The following CECR2 variants were observed in gnomAD, a reference collection of about 807,000 sequenced individuals.
CECR2 encodes CECR2 histone acetyl-lysine reader, also known as chromatin remodeling regulator CECR2.
Under a neutral mutation model 154.5 loss-of-function variants are expected in CECR2, and 30 were observed. The ratio of observed to expected loss-of-function variants is 0.19; its 90% CI spans 0.15 to 0.26. The LOEUF is 0.26. Ranked by LOEUF, CECR2 falls within the 10% of genes least tolerant of loss-of-function variation. CECR2 has a pLI of 1.00. For missense variants in CECR2, 1,743 were observed against 1,829.3 expected (o/e 0.95, Z 0.86); for synonymous variants, 725 against 683.7 (o/e 1.06, Z -0.94).
chr22:17,540,699 A>G lies in CECR2; in HGVS notation c.1783A>G (p.Thr595Ala). 1.2e-6 allele frequency: 2 copies of G among 1,613,822 alleles called. No homozygotes were observed. The highest frequency in any genetic ancestry group is 1.7e-6 in the Non-Finnish European group (2 of 1,179,802). ...TGGGGACGATCAGAGCAGCAGCTCCACACAGCCCCCGCGGGAGGTGGGCAC... is the reference window on the plus strand; with the variant it reads ...TGGGGACGATCAGAGCAGCAGCTCCGCACAGCCCCCGCGGGAGGTGGGCAC... Reference protein sequence around the residue: ...SSGDDQSSSSTQPPREVGTSN... With the variant: ...SSGDDQSSSSAQPPREVGTSN... The change falls in exon 14 of 19, where the codon ACA becomes GCA. Residue 595 changes from threonine (T) to alanine (A), a missense_variant. Transcript: ENST00000262608.
At chr22:17,494,844 G>A (rs2055594290) in intron 2 of CECR2, among the ~76,000 whole-genome samples, 1 of 152,124 alleles carries the variant, frequency 6.6e-6, no homozygotes, top group East Asian at 1.9e-4. Context: ...ACAGGCACAC[G>A]CCACCACGCC....
chr22:17,489,821 CTTTT>C lies in CECR2; in HGVS notation c.222-7579_222-7576del, dbSNP rs1174267843. Among the ~76,000 whole-genome samples the C allele has an allele frequency of 2.0e-5, 3 of 150,566 alleles. No homozygotes were observed. In the East Asian group the frequency reaches 5.8e-4, roughly 29 times the overall value. On this transcript the variant is annotated intron_variant, in intron 2 of 18. Transcript: ENST00000262608. ...TATTATTAATTTTCTTTACTCTTTG[CTTTT>C]TTATTTTATTGATTTCTCTTTTTTA... is the stretch of plus-strand genomic sequence containing the variant.
rs941393599 is a variant in CECR2, at chr22:17,540,732, G to A, written c.1816G>A (p.Gly606Ser). The change falls in exon 14 of 19, where the codon GGC becomes AGC. Residue 606 changes from glycine to serine, a missense_variant. Transcript: ENST00000262608. The stretch of plus-strand genomic sequence containing the variant: ...CCCGCGGGAGGTGGGCACTTCCAAT[G>A]GCCGAGGTTTTTCTCATCCCCTGCA... ...QPPREVGTSN[G>S]RGFSHPLHCG... 6.8e-6 allele frequency: 11 copies of A among 1,611,574 alleles called. No homozygotes were observed. The highest frequency in any genetic ancestry group is 9.3e-6 in the Non-Finnish European group (11 of 1,178,852).
At chr22:17,366,659 T>C (rs2063003687), upstream of CECR2, among the ~76,000 whole-genome samples, 1 of 152,106 alleles carries the variant, frequency 6.6e-6, no homozygotes, top group African/African-American at 2.4e-5. Flanking sequence ...GGCTGGAAGT[T>C]AGTCCAGAAA....
chr22:17,477,820 G>T, intron 2 of CECR2, 138 bp downstream of exon 2: 1 of 640,124 alleles, frequency 1.6e-6, no homozygotes, highest in Non-Finnish European at 2.8e-6. Flanking sequence ...GGACGTACAC[G>T]TAAATTTCCA....
chr22:17,472,519 A>G (rs908582656), intron 1 of CECR2, among the ~76,000 whole-genome samples: 1 of 152,202 alleles, frequency 6.6e-6, no homozygotes, highest in African/African-American at 2.4e-5. Context: ...GTCCCCGTGC[A>G]AATTAGGAAG....
At chr22:17,508,711 GCCATCTAGT>G in intron 7 of CECR2, among the ~76,000 whole-genome samples, 1 of 152,218 alleles carries the variant, frequency 6.6e-6, no homozygotes, top group South Asian at 2.1e-4. Context: ...AGTAGGCTAT[GCCATCTAGT>G]CCCTGAATTC....
chr22:17,541,262 T>A (rs1373714052), intron 14 of CECR2, among the ~76,000 whole-genome samples: 2 of 152,190 alleles, frequency 1.3e-5, no homozygotes, highest in African/African-American at 4.8e-5. Flanking sequence ...AAGACCAGCC[T>A]AGCTAACATG....
Position 17,450,283 on chromosome 22 carries a change from G to T in CECR2, c.127-27305G>T, listed in dbSNP as rs570798163. On this transcript the variant is annotated intron_variant, in intron 1 of 18. Transcript: ENST00000262608. ...AAAAGTAATATATTAACTTTTTGTT[G>T]TTGTTTTAGATGGAGTCTCACTCTG... 2.0e-5 allele frequency among the ~76,000 whole-genome samples: 3 copies of T among 152,248 alleles called. No individual in the cohort carries two copies. In the South Asian group the frequency reaches 6.2e-4, roughly 32 times the overall value.
At chr22:17,415,966 A>G (rs1384873042) in intron 1 of CECR2, among the ~76,000 whole-genome samples, 1 of 152,216 alleles carries the variant, frequency 6.6e-6, no homozygotes, top group Non-Finnish European at 1.5e-5. Flanking sequence ...CCAGAGGTCC[A>G]GGTTTCCCAG....
Position 17,538,739 on chromosome 22 carries a change from T to C in CECR2, c.1368+8T>C. ...TATTATCAGATTATTAAGGTAGAAG[T>C]TGTCTTTGCAGTAATGCCTACTATA... On this transcript the variant is annotated splice_region_variant and intron_variant, in intron 12 of 18. Transcript: ENST00000262608. The C allele has an allele frequency of 1.2e-6, 2 of 1,610,524 alleles. No individual in the cohort carries two copies. The highest frequency in any genetic ancestry group is 1.7e-6 in the Non-Finnish European group (2 of 1,176,880).
chr22:17,427,508 C>T (rs1035579243), intron 1 of CECR2, among the ~76,000 whole-genome samples: 1 of 151,856 alleles, frequency 6.6e-6, no homozygotes, highest in Non-Finnish European at 1.5e-5. Context: ...AAAGGTGGCG[C>T]GTCCAGGGTT....
At chr22:17,449,680 G>C (rs188241562) in intron 1 of CECR2, among the ~76,000 whole-genome samples, 2 of 151,632 alleles carry the variant, frequency 1.3e-5, no homozygotes, top group African/African-American at 2.4e-5. Flanking sequence ...TAGTGGCGAC[G>C]GGGTTTCACT....
In CECR2 at chr22:17,548,536, A is replaced by C; in HGVS notation, c.3249A>C (p.Arg1083Ser). Residue 1083 changes from arginine to serine, a missense_variant, in exon 17 of 19, where the codon AGA becomes AGC. Coordinates refer to ENST00000262608, the MANE Select transcript of CECR2 (RefSeq NM_001290047.2). ...SSGSEKLLCPRGRTLQETMPC... is the reference protein window; with the variant it reads ...SSGSEKLLCPSGRTLQETMPC... The stretch of plus-strand genomic sequence containing the variant: ...GTTCCGAAAAGCTGCTCTGCCCCAG[A>C]GGCAGAACGTTGCAGGAAACCATGC... 4 of 1,613,758 alleles carry C rather than the reference A, an allele frequency of 2.5e-6. No homozygotes were observed. Among genetic ancestry groups the C allele is most frequent in the African/African-American group, 1.3e-5 (1 of 75,036 alleles).
chr22:17,416,171 C>T (rs1373536620), intron 1 of CECR2, among the ~76,000 whole-genome samples: 1 of 152,082 alleles, frequency 6.6e-6, no homozygotes, highest in Non-Finnish European at 1.5e-5. Context: ...TGACAGATCT[C>T]TTATAAAATA....
chr22:17,529,082 C>CAAA lies in CECR2; in HGVS notation c.1108+4813_1108+4815dup, dbSNP rs2056310971. Among the ~76,000 whole-genome samples the CAAA allele has an allele frequency of 5.3e-5, 8 of 152,076 alleles. No homozygotes were observed. The South Asian group carries it at 1.7e-3, about 32-fold the overall frequency. On this transcript the variant is annotated intron_variant, in intron 9 of 18. Coordinates refer to ENST00000262608, the MANE Select transcript of CECR2 (RefSeq NM_001290047.2). ...GCTGAACACAGCCTGGGTGATAGAGCAAAACCCTGTCTCAGACAAAAAAGA... is the reference window on the plus strand; with the variant it reads ...GCTGAACACAGCCTGGGTGATAGAGCAAAAAAACCCTGTCTCAGACAAAAAAGA...
chr22:17,410,471 A>G (rs1343707434), intron 1 of CECR2, among the ~76,000 whole-genome samples: 1 of 151,438 alleles, frequency 6.6e-6, no homozygotes, highest in Non-Finnish European at 1.5e-5. Flanking sequence ...GTTTTTTGAG[A>G]CAGTCTCTCT....
intron 1 of CECR2, among the ~76,000 whole-genome samples, chr22:17,401,422 C>T (rs1413205011): frequency 6.6e-6 from 1 of 152,180 alleles, no homozygotes; most frequent in Non-Finnish European, 1.5e-5. Flanking sequence ...CCGCCAACGC[C>T]ACGCGAGGGT....
At chr22:17,388,133 T>A (rs1204351495) in intron 1 of CECR2, among the ~76,000 whole-genome samples, 1 of 152,080 alleles carries the variant, frequency 6.6e-6, no homozygotes, top group Non-Finnish European at 1.5e-5. Flanking sequence ...GTTTATATTT[T>A]TAGTAGAGAC....
Sources: allele counts gnomAD v4.1 joint callset (sites outside exome capture counted in the v4.1 genomes callset), GRCh38; gene constraint gnomAD v4.1.1; transcripts MANE v1.5; gene names NCBI Gene and HGNC (gene_info 2026-07-23, HGNC 2026-07-21).